Variants in NBPF20 observed in about 807,000 individuals in gnomAD.
NBPF20 encodes the protein NBPF member 20, also known as NBPF family member NBPF20.
Under a neutral mutation model 68.1 loss-of-function variants are expected in NBPF20, and 90 were observed. That is an observed-to-expected ratio of 1.32 (90% CI 1.11 to 1.58). The LOEUF (loss-of-function observed/expected upper bound fraction) is 1.58, where lower values mean the gene tolerates loss of function less well. Among genes scored for constraint, NBPF20 ranks in the 40% most tolerant of loss-of-function variants. NBPF20 has a pLI of 0.00. For missense variants in NBPF20, 816 were observed against 601.2 expected (o/e 1.36, Z -3.74); for synonymous variants, 290 against 228.1 (o/e 1.27, Z -2.45).
At chr1:145,410,989 T>G in the NBPF20 span, among the ~76,000 whole-genome samples, 6 of 143,742 alleles carry the variant, frequency 4.2e-5, no homozygotes, top group Non-Finnish European at 7.7e-5. Context: ...GGATTCTCTC[T>G]TCTCTTCCAC....
At chr1:145,393,245 G>C in exon 10 of NBPF20, 1 of 635,972 alleles carries the variant, frequency 1.6e-6, no homozygotes, top group Non-Finnish European at 2.8e-6. Flanking sequence ...TCCCTGCTGA[G>C]CCTGGAAAAG....
the NBPF20 span, among the ~76,000 whole-genome samples, chr1:145,413,446 T>A: frequency 6.6e-6 from 1 of 151,978 alleles, no homozygotes; most frequent in Non-Finnish European, 1.5e-5. Flanking sequence ...ATCAATAAAC[T>A]GTGATACATT....
chr1:145,291,508 C>T (rs188091187), exon 138 of NBPF20: 256 of 1,611,980 alleles, frequency 1.6e-4, no homozygotes, highest in Non-Finnish European at 2.0e-4. Flanking sequence ...TGACATCTCT[C>T]GGCTTAGTAA....
intron 7 of NBPF20, among the ~76,000 whole-genome samples, chr1:145,397,344 A>C (rs1327024351): frequency 6.6e-6 from 1 of 152,216 alleles, no homozygotes; most frequent in Non-Finnish European, 1.5e-5. Flanking sequence ...GAATTGTCAC[A>C]CTGCCTTCCA....
At chr1:145,397,328 C>T (rs1271748424) in intron 7 of NBPF20, among the ~76,000 whole-genome samples, 5 of 152,084 alleles carry the variant, frequency 3.3e-5, no homozygotes, top group African/African-American at 1.2e-4. Flanking sequence ...GTTCTAGATC[C>T]CTGAGGAATT....
At chr1:145,377,955 A>G in intron 29 of NBPF20, 88 bp downstream of exon 34, 2 of 425,392 alleles carry the variant, frequency 4.7e-6, no homozygotes, top group South Asian at 2.1e-5. Context: ...CGTTGAAAAC[A>G]TGAAATTGAA....
rs587742108 is a variant in NBPF20, at chr1:145,404,207, C to T, written c.176-889G>A. The stretch of plus-strand genomic sequence containing the variant: ...GCCTGTGCACCAGGAAACAGGACTT[C>T]GCTCTCACCAAGCTACTCTCTGCTT... On this transcript the variant is annotated intron_variant, in intron 2 of 137. Coordinates refer to ENST00000369373, the Ensembl canonical transcript of NBPF20. Among the ~76,000 whole-genome samples, 21 of 149,402 alleles carry T rather than the reference C, an allele frequency of 1.4e-4. No individual in the cohort carries two copies. The East Asian group carries it at 3.0e-3, about 22-fold the overall frequency.
At chr1:145,416,467 T>C in the NBPF20 span, among the ~76,000 whole-genome samples, 1 of 136,878 alleles carries the variant, frequency 7.3e-6, no homozygotes, top group Non-Finnish European at 1.6e-5. Flanking sequence ...GTTTATTCTA[T>C]TCAGACCCAG....
upstream of NBPF20, among the ~76,000 whole-genome samples, chr1:145,410,231 G>A (rs1662954867): frequency 6.6e-6 from 1 of 151,360 alleles, no homozygotes; most frequent in Non-Finnish European, 1.5e-5. Context: ...ATATGTACTG[G>A]TATCTCATTG....
chr1:145,377,972 C>G lies in NBPF20; in HGVS notation c.3464+71G>C. ...TTGAAAACATGAAATTGAACACACT[C>G]TTGTTTTCCCTGGACCTGGCATCTC... is the stretch of plus-strand genomic sequence containing the variant. On this transcript the variant is annotated intron_variant, in intron 29 of 137. Coordinates refer to ENST00000369373, the Ensembl canonical transcript of NBPF20. 6.5e-6 allele frequency: 3 copies of G among 461,954 alleles called. 1 individual carries two copies. The highest frequency in any genetic ancestry group is 4.7e-5 in the East Asian group (1 of 21,484). 28.6% of individuals were successfully genotyped at this position (461,954 alleles called of 1,614,324 possible). A position where few individuals can be genotyped will look rare whatever the true frequency, so the allele number is the denominator to read the frequency against.
chr1:145,418,930 G>C, the NBPF20 span, among the ~76,000 whole-genome samples: 2 of 103,604 alleles, frequency 1.9e-5, no homozygotes, highest in South Asian at 3.8e-4. Flanking sequence ...CAGAGGTTTT[G>C]GTAAGTAATG....
At position 145,393,928 on chromosome 1, in the gene NBPF20, C is replaced by T. The variant is rs1553663016; in HGVS notation, c.999G>A (p.Arg333=). The T allele has an allele frequency of 1.5e-3, 2,121 of 1,393,420 alleles. 4 individuals are homozygous for T. Among genetic ancestry groups the T allele is most frequent in the Non-Finnish European group, 1.8e-3 (1,804 of 992,510 alleles). The allele number at this position is 1,393,420 out of a possible 1,614,324, so 86.3% of individuals were successfully genotyped here. A position where few individuals can be genotyped will look rare whatever the true frequency, so the allele number is the denominator to read the frequency against. The change falls in exon 9 of 138, where the codon CGG becomes CGA. Residue 333 remains arginine (R), a synonymous_variant. Coordinates refer to ENST00000369373, the Ensembl canonical transcript of NBPF20. The stretch of plus-strand genomic sequence containing the variant: ...GGTCCTCCTTTTTCACTTGATCCCA[C>T]CGATGTCCTGCAAATAAATTCAGAT...
intron 137 of NBPF20, 45 bp downstream of exon 142, chr1:145,292,336 C>T (rs782437875): frequency 3.6e-5 from 23 of 644,188 alleles, no homozygotes; most frequent in Non-Finnish European, 5.8e-5. Flanking sequence ...CTGTTGCCTC[C>T]AGGTGTTAAC....
At position 145,292,629 on chromosome 1, in the gene NBPF20, C is replaced by T. The variant is rs181010877; in HGVS notation, c.16589-140G>A. 3.5e-5 allele frequency: 26 copies of T among 740,510 alleles called. 1 individual carries two copies. Among genetic ancestry groups the T allele is most frequent in the Middle Eastern group, 3.7e-4 (1 of 2,708 alleles). The allele number at this position is 740,510 out of a possible 1,614,324, so 45.9% of individuals were successfully genotyped here. ...ACTTTGAGAGATATATTTCAGGAGG[C>T]CTGAAGGCTGTTCATGATAGAACTT... On this transcript the variant is annotated intron_variant, in intron 136 of 137. Coordinates refer to ENST00000369373, the Ensembl canonical transcript of NBPF20.
At chr1:145,412,394 C>T in the NBPF20 span, among the ~76,000 whole-genome samples, 3 of 152,146 alleles carry the variant, frequency 2.0e-5, no homozygotes, top group East Asian at 5.8e-4. Flanking sequence ...ATTCTATGAC[C>T]ATCTGTTTCA....
intron 136 of NBPF20, among the ~76,000 whole-genome samples, chr1:145,292,692 C>A (rs1207652358): frequency 6.9e-6 from 1 of 145,116 alleles, no homozygotes; most frequent in Non-Finnish European, 1.5e-5. Flanking sequence ...GTAAAATGTC[C>A]CTATTCTAGT....
Position 145,403,202 on chromosome 1 carries a change from T to A in NBPF20, c.278+14A>T, listed in dbSNP as rs1553665914. 1.9e-6 allele frequency: 3 copies of A among 1,612,178 alleles called. No individual in the cohort carries two copies. Among genetic ancestry groups the A allele is most frequent in the African/African-American group, 2.7e-5 (2 of 74,856 alleles). On this transcript the variant is annotated intron_variant, in intron 3 of 137. Coordinates refer to ENST00000369373, the Ensembl canonical transcript of NBPF20. ...ACACCTGCCCCCCTGCCTGCCACCATGGGGTCCCCTCACCTGAGCTCCTCA... is the reference window on the plus strand; with the variant it reads ...ACACCTGCCCCCCTGCCTGCCACCAAGGGGTCCCCTCACCTGAGCTCCTCA...
intron 3 of NBPF20, among the ~76,000 whole-genome samples, chr1:145,402,655 A>G (rs1553665720): frequency 6.6e-6 from 1 of 151,160 alleles, no homozygotes; most frequent in African/African-American, 2.4e-5. Context: ...TTCCGTTTCA[A>G]AAAGACATCC....
At chr1:145,311,798 G>A (rs1661488400) in intron 112 of NBPF20, among the ~76,000 whole-genome samples, 2 of 88,356 alleles carry the variant, frequency 2.3e-5, no homozygotes, top group South Asian at 4.0e-4. Context: ...ATGGTTGCTA[G>A]GAGAAAAACT....
Sources: gnomAD v4.1 joint callset for allele counts (sites outside exome capture counted in the v4.1 genomes callset) on GRCh38, gnomAD v4.1.1 for gene constraint, MANE v1.5 for transcripts, NCBI Gene and HGNC (gene_info 2026-07-23, HGNC 2026-07-21) for gene names.